The following HAUS8 variants were observed in gnomAD, a reference collection of about 807,000 sequenced individuals.
HAUS8 encodes the protein HAUS augmin-like complex subunit 8.
HAUS8 carries 38 observed loss-of-function variants against 42.9 expected under a neutral mutation model. The observed-to-expected ratio is 0.89, with a 90% CI of 0.68 to 1.16. The LOEUF (loss-of-function observed/expected upper bound fraction) is 1.16, where lower values mean the gene tolerates loss of function less well. Ranked by LOEUF, HAUS8 falls within the 50% of genes most tolerant of loss-of-function variation. The pLI is 0.00. For missense variants in HAUS8, 494 were observed against 511.6 expected, an observed-to-expected ratio of 0.97 and a Z score of 0.33; for synonymous variants, 199 against 205.8, an observed-to-expected ratio of 0.97 and a Z score of 0.28.
intron 8 of HAUS8, among the ~76,000 whole-genome samples, chr19:17,057,029 G>A (rs2057331004): frequency 6.6e-6 from 1 of 152,134 alleles, no homozygotes; most frequent in Non-Finnish European, 1.5e-5. Flanking sequence ...ATAGGCATAT[G>A]CCACCACACT....
chr19:17,071,227 T>C (rs1295230242), intron 2 of HAUS8, among the ~76,000 whole-genome samples: 2 of 152,164 alleles, frequency 1.3e-5, no homozygotes, highest in Non-Finnish European at 2.9e-5. Context: ...TTTGTTCCAG[T>C]TGATTCTTCT....
rs1358800643 is a variant in HAUS8 at position 17,073,094 on chromosome 19, A to G, written c.91+180T>C. On this transcript the variant is annotated intron_variant, in intron 2 of 10. Transcript: ENST00000253669. ...GAAGCCACTGCTCAAAATGACCACC[A>G]CCATTCCTGACACAGCCCTCGCCAC... Among the ~76,000 whole-genome samples, 4 of 151,988 alleles carry G rather than the reference A, an allele frequency of 2.6e-5. No homozygotes were observed. The East Asian group carries it at 7.7e-4, about 29-fold the overall frequency.
chr19:17,055,573 C>A (rs998680767), intron 9 of HAUS8, among the ~76,000 whole-genome samples: 1 of 152,040 alleles, frequency 6.6e-6, no homozygotes, highest in Non-Finnish European at 1.5e-5. Flanking sequence ...CCAACCACTA[C>A]GGCATATTTG....
At chr19:17,060,319 T>C (rs996919666) in intron 4 of HAUS8, 1 of 483,488 alleles carries the variant, frequency 2.1e-6, no homozygotes, top group Non-Finnish European at 3.7e-6. Flanking sequence ...ACATTCTGTA[T>C]AACCAAAGAG....
chr19:17,058,591 G>C lies in HAUS8; in HGVS notation c.603C>G (p.Leu201=). 6 of 1,611,644 alleles carry C rather than the reference G, an allele frequency of 3.7e-6. No individual in the cohort carries two copies. Among genetic ancestry groups the C allele is most frequent in the Non-Finnish European group, 5.1e-6 (6 of 1,179,146 alleles). ...CTGCCAGCTCCCGCTTCCTCTGAGA[G>C]AGGAGAAGCCTGCGCTTCAGCTCGT... ...KAHELKRRLL[L]SQRKRELADV... is the part of the protein sequence containing the mutation. The change falls in exon 8 of 11, where the codon CTC becomes CTG. Residue 201 remains leucine (L), a synonymous_variant. Transcript: ENST00000253669.
chr19:17,050,190 G>A lies in HAUS8; in HGVS notation c.930-14C>T, dbSNP rs2057278485. ...TGGGCAAAGCTCCTGTTGAGGATGGGAGAAAGAATAACGGCTTTCACCCTC... is the reference window on the plus strand; with the variant it reads ...TGGGCAAAGCTCCTGTTGAGGATGGAAGAAAGAATAACGGCTTTCACCCTC... On this transcript the variant is annotated splice_polypyrimidine_tract_variant and intron_variant, in intron 10 of 10. Transcript: ENST00000253669. 1 of 1,474,686 alleles carries A rather than the reference G, an allele frequency of 6.8e-7. No individual in the cohort carries two copies. The highest frequency in any genetic ancestry group is 1.4e-5 in the African/African-American group (1 of 69,982). 91.4% of individuals were successfully genotyped at this position (1,474,686 alleles called of 1,614,324 possible).
intron 3 of HAUS8, among the ~76,000 whole-genome samples, chr19:17,066,901 A>G (rs2057390124): frequency 6.6e-6 from 1 of 152,204 alleles, no homozygotes; most frequent in South Asian, 2.1e-4. Context: ...ATGGAATACT[A>G]TTCGGCCATA....
chr19:17,073,348 A>G lies in HAUS8; in HGVS notation c.30-13T>C. ...GGTTGCAGGCTTCCTGCAAGAGAAG[A>G]GAGAGAGGTCTTGTTCACCTCACTA... is the stretch of plus-strand genomic sequence containing the variant. On this transcript the variant is annotated splice_polypyrimidine_tract_variant and intron_variant, in intron 1 of 10. Coordinates refer to ENST00000253669, the MANE Select transcript of HAUS8 (RefSeq NM_033417.2). 1 of 1,613,446 alleles carries G rather than the reference A, an allele frequency of 6.2e-7. No individual in the cohort carries two copies. The highest frequency in any genetic ancestry group is 8.5e-7 in the Non-Finnish European group (1 of 1,179,464).
At chr19:17,058,301 A>T (rs1452520515) in intron 8 of HAUS8, among the ~76,000 whole-genome samples, 1 of 152,248 alleles carries the variant, frequency 6.6e-6, no homozygotes. Flanking sequence ...GGCGCTCAGG[A>T]AGTCTCTGCA....
chr19:17,053,888 C>G (rs1341726016), intron 9 of HAUS8, among the ~76,000 whole-genome samples: 1 of 152,098 alleles, frequency 6.6e-6, no homozygotes, highest in Non-Finnish European at 1.5e-5. Flanking sequence ...TGGTATTGAA[C>G]TACTGACCTC....
intron 9 of HAUS8, 138 bp from the exon 10 acceptor site, chr19:17,053,104 C>A: frequency 7.3e-6 from 7 of 962,320 alleles, no homozygotes; most frequent in Non-Finnish European, 1.1e-5. Context: ...AGGGAAGAAG[C>A]AGAAGCCAAG....
intron 2 of HAUS8, 120 bp downstream of exon 2, chr19:17,073,154 G>A: frequency 1.2e-6 from 1 of 856,478 alleles, no homozygotes; most frequent in Non-Finnish European, 2.0e-6. Flanking sequence ...ATCCCCACAG[G>A]TGTGACTACA....
chr19:17,058,243 G>A (rs2057337590), intron 8 of HAUS8, among the ~76,000 whole-genome samples: 1 of 152,244 alleles, frequency 6.6e-6, no homozygotes, highest in Non-Finnish European at 1.5e-5. Context: ...CCCTGACCCT[G>A]CAGGGGAGTC....
At chr19:17,068,533 G>A (rs771082801) in intron 3 of HAUS8, among the ~76,000 whole-genome samples, 30 of 152,302 alleles carry the variant, frequency 2.0e-4, no homozygotes, top group South Asian at 8.3e-4. Context: ...TTGGGAGGCC[G>A]AGGCGGGAGC....
intron 3 of HAUS8, among the ~76,000 whole-genome samples, chr19:17,064,452 A>G (rs2057376967): frequency 6.6e-6 from 1 of 152,254 alleles, no homozygotes; most frequent in African/African-American, 2.4e-5. Context: ...GAGGTCTCAC[A>G]TTACCTGTTC....
intron 3 of HAUS8, among the ~76,000 whole-genome samples, chr19:17,065,643 C>CA (rs2057383061): frequency 6.6e-6 from 1 of 151,984 alleles, no homozygotes; most frequent in Non-Finnish European, 1.5e-5. Flanking sequence ...GCCTGACCAA[C>CA]ATGGAGAAAC....
intron 8 of HAUS8, 146 bp downstream of exon 8, chr19:17,058,403 G>T: frequency 1.4e-6 from 1 of 731,358 alleles, no homozygotes; most frequent in Non-Finnish European, 2.2e-6. Context: ...CCAACACCAG[G>T]ACCAGAGCAA....
At chr19:17,065,931 C>T (rs751184493) in intron 3 of HAUS8, among the ~76,000 whole-genome samples, 16 of 150,558 alleles carry the variant, frequency 1.1e-4, no homozygotes, top group Non-Finnish European at 2.1e-4. Context: ...AAGCTCTGTG[C>T]GCCTTCCCCC....
chr19:17,067,321 C>T (rs2057392903), intron 3 of HAUS8, among the ~76,000 whole-genome samples: 1 of 151,978 alleles, frequency 6.6e-6, no homozygotes, highest in Non-Finnish European at 1.5e-5. Context: ...ACTGTGATGC[C>T]ACAGATATGA....
Sources: gnomAD v4.1 joint callset for allele counts (sites outside exome capture counted in the v4.1 genomes callset) on GRCh38, gnomAD v4.1.1 for gene constraint, MANE v1.5 for transcripts, NCBI Gene and HGNC (gene_info 2026-07-23, HGNC 2026-07-21) for gene names.